Variants in NTRK3 observed in about 807,000 individuals in gnomAD.
NTRK3 encodes the protein neurotrophic receptor tyrosine kinase 3.
In NTRK3, 24 loss-of-function variants were observed where a neutral mutation model predicts 91.7. That is an observed-to-expected ratio of 0.26 (90% confidence interval 0.19 to 0.37). NTRK3 has a LOEUF of 0.37. NTRK3 is among the 10% of genes least tolerant of loss of function. The pLI is 1.00. For synonymous variants in NTRK3, 483 were observed against 404.0 expected, an observed-to-expected ratio of 1.20 and a Z score of -2.34; for missense variants, 880 against 1,068.9, an observed-to-expected ratio of 0.82 and a Z score of 2.46.
chr15:88,159,943 T>TACACAC (rs59254719), intron 5 of NTRK3, among the ~76,000 whole-genome samples: 11,145 of 111,842 alleles, frequency 0.1, 992 homozygotes, highest in East Asian at 0.15. Flanking sequence ...CCCAGCCTCC[T>TACACAC]ACACACACAC....
At chr15:87,949,938 C>T (rs1181270299) in intron 14 of NTRK3, among the ~76,000 whole-genome samples, 1 of 152,180 alleles carries the variant, frequency 6.6e-6, no homozygotes, top group Admixed American at 6.5e-5. Flanking sequence ...CCCCCTCCTT[C>T]CTCTGCCTCT....
At chr15:88,230,678 G>A (rs564300284) in intron 3 of NTRK3, among the ~76,000 whole-genome samples, 8 of 152,234 alleles carry the variant, frequency 5.3e-5, no homozygotes, top group South Asian at 4.2e-4. Flanking sequence ...ACAGAGGCCC[G>A]ATTCTACCTA....
intron 13 of NTRK3, among the ~76,000 whole-genome samples, chr15:88,040,186 G>C (rs1311451318): frequency 6.6e-6 from 1 of 152,248 alleles, no homozygotes; most frequent in South Asian, 2.1e-4. Flanking sequence ...TAGATGGGGA[G>C]GAAAGTCTTT....
At chr15:87,958,829 C>A (rs1000056673) in intron 14 of NTRK3, among the ~76,000 whole-genome samples, 1 of 152,012 alleles carries the variant, frequency 6.6e-6, no homozygotes, top group African/African-American at 2.4e-5. Context: ...GGGACATGGT[C>A]GGCTAACCCA....
rs1030738693 is a variant in NTRK3 at position 88,002,176 on chromosome 15, T to G, written c.1585+30681A>C. 6.2e-5 allele frequency among the ~76,000 whole-genome samples: 9 copies of G among 146,022 alleles called. No homozygotes were observed. In the South Asian group the frequency reaches 6.5e-4, roughly 11 times the overall value. ...TCTGAAGGATAGTGGTTGTTTTTTT[T>G]TTTTTTTTTTTTTTTTTTTCCAAAC... is the stretch of plus-strand genomic sequence containing the variant. On this transcript the variant is annotated intron_variant, in intron 14 of 18. Transcript: ENST00000394480.
chr15:88,108,199 T>C (rs928511241), intron 13 of NTRK3, among the ~76,000 whole-genome samples: 2 of 152,148 alleles, frequency 1.3e-5, no homozygotes, highest in African/African-American at 4.8e-5. Flanking sequence ...TGTATCTGTA[T>C]CCCACAGTGC....
chr15:87,894,775 A>G (rs1198410974), intron 17 of NTRK3, among the ~76,000 whole-genome samples: 14 of 152,134 alleles, frequency 9.2e-5, no homozygotes, highest in Non-Finnish European at 2.9e-5. Flanking sequence ...TAGAAATAGC[A>G]GCCTGGTCTT....
intron 13 of NTRK3, among the ~76,000 whole-genome samples, chr15:88,033,491 C>T (rs1056415070): frequency 1.7e-4 from 26 of 151,336 alleles, no homozygotes; most frequent in South Asian, 6.3e-4. Context: ...TTGTATTTTT[C>T]GTGGAGACAG....
At chr15:87,880,014 T>C (rs1332162018) in intron 18 of NTRK3, among the ~76,000 whole-genome samples, 1 of 152,202 alleles carries the variant, frequency 6.6e-6, no homozygotes, top group East Asian at 1.9e-4. Flanking sequence ...TTTTTAAGGG[T>C]AGCAGATTTA....
exon 19 of NTRK3, chr15:87,874,377 G>A: frequency 4.4e-6 from 1 of 229,872 alleles, no homozygotes. Flanking sequence ...GTGGGCCTAA[G>A]GTGGCAGCAA....
At chr15:87,904,274 C>T (rs1199096680) in intron 17 of NTRK3, among the ~76,000 whole-genome samples, 1 of 152,092 alleles carries the variant, frequency 6.6e-6, no homozygotes, top group Non-Finnish European at 1.5e-5. Flanking sequence ...CCTCAGCCTC[C>T]CAAGTAGCTG....
intron 13 of NTRK3, among the ~76,000 whole-genome samples, chr15:88,062,930 C>G (rs1162404823): frequency 6.6e-6 from 1 of 152,240 alleles, no homozygotes; most frequent in African/African-American, 2.4e-5. Context: ...GGCATTTGAA[C>G]TTCTGATTAT....
intron 3 of NTRK3, among the ~76,000 whole-genome samples, chr15:88,187,933 CAA>C (rs374017458): frequency 1.4e-4 from 16 of 114,502 alleles, no homozygotes; most frequent in Admixed American, 1.8e-4. Flanking sequence ...GACACTGTCT[CAA>C]AAAAAAAAAA....
At chr15:88,191,158 T>G (rs2151673842) in intron 3 of NTRK3, among the ~76,000 whole-genome samples, 1 of 136,490 alleles carries the variant, frequency 7.3e-6, no homozygotes, top group South Asian at 2.4e-4. Flanking sequence ...GAAGCTGATG[T>G]TTCCCGTGTG....
intron 17 of NTRK3, among the ~76,000 whole-genome samples, chr15:87,899,920 C>T (rs58802558): frequency 2.0e-5 from 3 of 152,294 alleles, no homozygotes; most frequent in African/African-American, 7.2e-5. Context: ...CCTTCTCACA[C>T]ACCTAAAGCT....
At chr15:88,238,831 G>T (rs1254115787) in intron 3 of NTRK3, among the ~76,000 whole-genome samples, 1 of 152,158 alleles carries the variant, frequency 6.6e-6, no homozygotes, top group African/African-American at 2.4e-5. Flanking sequence ...CAGTTGTTTT[G>T]CTCTTGCACA....
intron 13 of NTRK3, among the ~76,000 whole-genome samples, chr15:88,071,493 A>G (rs1460545578): frequency 6.6e-6 from 1 of 152,250 alleles, no homozygotes; most frequent in Non-Finnish European, 1.5e-5. Flanking sequence ...CAGCACCTTT[A>G]TCTCTGAACA....
chr15:88,137,477 G>A (rs2041988306), exon 7 of NTRK3: 2 of 1,614,072 alleles, frequency 1.2e-6, no homozygotes, highest in East Asian at 2.2e-5. Context: ...GGTTCTGGCT[G>A]TTGAGCTTGG....
Position 87,922,406 on chromosome 15 carries a change from C to T in NTRK3, c.2133+6785G>A, listed in dbSNP as rs3784439. 2.4e-4 allele frequency among the ~76,000 whole-genome samples: 37 copies of T among 152,294 alleles called. No individual in the cohort carries two copies. In the South Asian group the frequency reaches 7.7e-3, roughly 32 times the overall value. On this transcript the variant is annotated intron_variant, in intron 17 of 18. Transcript: ENST00000394480. The stretch of plus-strand genomic sequence containing the variant: ...CTGCACCTCAGGTCCTCCCATTAAA[C>T]TAATGAGGGGGCTGCCCTCCAGAGC...
Sources: gnomAD v4.1 joint callset for allele counts (sites outside exome capture counted in the v4.1 genomes callset) on GRCh38, gnomAD v4.1.1 for gene constraint, MANE v1.5 for transcripts, NCBI Gene and HGNC (gene_info 2026-07-23, HGNC 2026-07-21) for gene names.